Variants in SNAPC4 observed in about 807,000 individuals in gnomAD.
The protein encoded by SNAPC4 is snRNA-activating protein complex subunit 4.
Under a neutral mutation model 151.3 loss-of-function variants are expected in SNAPC4, and 127 were observed. The ratio of observed to expected loss-of-function variants is 0.84; its 90% confidence interval spans 0.73 to 0.97. The LOEUF (loss-of-function observed/expected upper bound fraction) is 0.97, where lower values mean the gene tolerates loss of function less well. Among genes scored for constraint, SNAPC4 ranks in the 50% least tolerant of loss-of-function variants. SNAPC4 has a pLI of 0.00. For missense variants in SNAPC4, 2,186 were observed against 1,935.0 expected, an observed-to-expected ratio of 1.13 and a Z score of -2.43; for synonymous variants, 1,002 against 824.4, an observed-to-expected ratio of 1.22 and a Z score of -3.69.
Position 136,382,514 on chromosome 9 carries a change from C to G in SNAPC4, c.1984-178G>C, listed in dbSNP as rs964673376. Among the ~76,000 whole-genome samples, 10 of 152,348 alleles carry G rather than the reference C, an allele frequency of 6.6e-5. No homozygotes were observed. The South Asian group carries it at 8.3e-4, about 13-fold the overall frequency. On this transcript the variant is annotated intron_variant, in intron 16 of 23. Coordinates refer to ENST00000684778, the MANE Select transcript of SNAPC4 (RefSeq NM_003086.4). The stretch of plus-strand genomic sequence containing the variant: ...GGAAGCGTGGGTTCCCCAGGCAGGG[C>G]CTCCCAGCTAGGCCTGGCTCCTGGG...
At chr9:136,398,680 T>A in intron 1 of SNAPC4, 1 of 423,904 alleles carries the variant, frequency 2.4e-6, no homozygotes, top group Non-Finnish European at 4.3e-6. Flanking sequence ...ATCTCCCGCC[T>A]GCTCTGAGGC....
intron 9 of SNAPC4, 66 bp downstream of exon 9, chr9:136,392,456 A>G (rs1185913678): frequency 3.3e-6 from 5 of 1,517,770 alleles, no homozygotes; most frequent in East Asian, 2.3e-5. Flanking sequence ...CCCAATTCCA[A>G]CTGCACCCGG....
At chr9:136,394,444 C>T (rs1407961630) in intron 6 of SNAPC4, 114 bp from the exon 7 acceptor site, 17 of 874,120 alleles carry the variant, frequency 1.9e-5, no homozygotes, top group Non-Finnish European at 2.9e-5. Flanking sequence ...AGCGAGTAAG[C>T]AGCACGCCAG....
rs771920415 is a variant in SNAPC4, at chr9:136,383,579, G to A, written c.1590C>T (p.Ser530=). 6.2e-7 allele frequency: 1 copy of A among 1,608,858 alleles called. No individual in the cohort carries two copies. Among genetic ancestry groups the A allele is most frequent in the Non-Finnish European group, 8.5e-7 (1 of 1,177,776 alleles). Reference sequence around the variant, plus strand: ...TGCTGCTGCTGCTGCTCCCTCCACTGCTGCCACTGCTGCTGCCGCTGCTGC... The same window carrying A: ...TGCTGCTGCTGCTGCTCCCTCCACTACTGCCACTGCTGCTGCCGCTGCTGC... The part of the protein sequence containing the change: ...STSSSGSSSG[S]SGGSSSSSSS... Residue 530 remains serine (S), a synonymous_variant, in exon 16 of 24, where the codon AGC becomes AGT. Transcript: ENST00000684778. This position sits in a 1 kb window ranked among gnomAD's most constrained non-coding sequence, Gnocchi z 4.2.
At chr9:136,387,935 G>C in intron 11 of SNAPC4, 87 bp from the exon 12 acceptor site, 1 of 800,750 alleles carries the variant, frequency 1.2e-6, no homozygotes, top group Non-Finnish European at 2.2e-6. Flanking sequence ...GGGTCCCGTG[G>C]GGCCGAGACA....
In SNAPC4 at chr9:136,378,289, C is replaced by A. The variant is rs751827865; in HGVS notation, c.3538G>T (p.Val1180Leu). ...CTGGGCTCAGGTATCTCCCTGGCCA[C>A]CTGGGCCTCTCCAGGGACAAAGGCC... ...SVAFVPGEAQ[V>L]AREIPEPRTS... The change falls in exon 22 of 24, where the codon GTG becomes TTG. Residue 1180 changes from valine (V) to leucine (L), a missense_variant. Coordinates refer to ENST00000684778, the MANE Select transcript of SNAPC4 (RefSeq NM_003086.4). 7.5e-6 allele frequency: 12 copies of A among 1,604,920 alleles called. No homozygotes were observed. Among genetic ancestry groups the A allele is most frequent in the African/African-American group, 1.3e-5 (1 of 74,870 alleles).
intron 3 of SNAPC4, among the ~76,000 whole-genome samples, 178 bp downstream of exon 3, chr9:136,396,799 G>A (rs889011000): frequency 6.6e-6 from 1 of 152,210 alleles, no homozygotes; most frequent in Non-Finnish European, 1.5e-5. Context: ...GTTAACAGTG[G>A]TTATTTCTGG....
chr9:136,381,443 A>AG (rs1833688737), intron 18 of SNAPC4, 51 bp from the exon 19 acceptor site: 1 of 1,496,284 alleles, frequency 6.7e-7, no homozygotes. Flanking sequence ...CCATGGGCAC[A>AG]GGGGGATGGG....
intron 20 of SNAPC4, 137 bp from the exon 21 acceptor site, chr9:136,380,001 C>G: frequency 7.1e-7 from 1 of 1,403,076 alleles, no homozygotes; most frequent in Non-Finnish European, 9.9e-7. Flanking sequence ...GCCTCCCACA[C>G]GCCTCTGTAG....
intron 17 of SNAPC4, 83 bp from the exon 18 acceptor site, chr9:136,382,156 C>T (rs1023039384): frequency 1.3e-6 from 2 of 1,575,008 alleles, no homozygotes; most frequent in African/African-American, 1.3e-5. Flanking sequence ...GTGCTGCCCT[C>T]CACCCCCATC....
rs755047012 is a variant in SNAPC4 at position 136,378,448 on chromosome 9, C to A, written c.3379G>T (p.Ala1127Ser). Residue 1127 changes from alanine (A) to serine (S), a missense_variant, in exon 22 of 24, where the codon GCC (alanine) becomes TCC (serine). Coordinates refer to ENST00000684778, the MANE Select transcript of SNAPC4 (RefSeq NM_003086.4). ...TETRAAQGPR[A>S]PALSSSWQPP... ...TGCCAAGAGCTGCTCAACGCTGGGG[C>A]CCTGGGGCCCTGGGCCGCCCGAGTC... 2 of 1,589,328 alleles carry A rather than the reference C, an allele frequency of 1.3e-6. No homozygotes were observed. Among genetic ancestry groups the A allele is most frequent in the Admixed American group, 1.7e-5 (1 of 58,788 alleles).
At chr9:136,390,553 T>TGA (rs1834033546) in intron 10 of SNAPC4, among the ~76,000 whole-genome samples, 1 of 24,840 alleles carries the variant, frequency 4.0e-5, no homozygotes, top group Admixed American at 5.8e-4. Flanking sequence ...AGACTCTGTT[T>TGA]GAAAAAAAAA....
rs556715640 is a variant in SNAPC4 at position 136,377,889 on chromosome 9, G to C, written c.3938C>G (p.Ala1313Gly). The change falls in exon 22 of 24, where the codon GCT (alanine) becomes GGT (glycine). Residue 1313 changes from alanine (A) to glycine (G), a missense_variant. Ala to Gly is a moderately conservative substitution (Grantham distance 60). Transcript: ENST00000684778. ...CTTGTGGAGTAGGAGACCGGACAGA[G>C]CTCGCAGGCTGCACAGGGCTGGGGG... ...YQPPALCSLR[A>G]LSGLLLHKKA... 78 of 1,611,412 alleles carry C rather than the reference G, an allele frequency of 4.8e-5. 1 individual carries two copies. The South Asian group carries it at 8.2e-4, about 17-fold the overall frequency.
At chr9:136,395,496 G>A (rs1834236134) in intron 4 of SNAPC4, 73 bp from the exon 5 acceptor site, 1 of 1,576,950 alleles carries the variant, frequency 6.3e-7, no homozygotes, top group Admixed American at 1.8e-5. Context: ...GAGACCCGGG[G>A]CAGAGGAGAG....
At position 136,392,705 on chromosome 9, in the gene SNAPC4, G is replaced by A. The variant is rs752513469; in HGVS notation, c.705C>T (p.Gly235=). The change falls in exon 8 of 24, where the codon GGC becomes GGT. Residue 235 remains glycine, a synonymous_variant. Transcript: ENST00000684778. ...ELERQALEKQ[G]REAEKEIQDI... is the part of the protein sequence containing the mutation. ...CCTGGATCTCCTTCTCGGCTTCCCT[G>A]CCCTGCTTCTCCAGGGCTTGCCTCT... 3.7e-6 allele frequency: 6 copies of A among 1,613,690 alleles called. No individual in the cohort carries two copies. Among genetic ancestry groups the A allele is most frequent in the Non-Finnish European group, 8.5e-7 (1 of 1,179,996 alleles).
chr9:136,398,189 T>C, intron 2 of SNAPC4, 110 bp downstream of exon 2: 1 of 1,219,882 alleles, frequency 8.2e-7, no homozygotes, highest in Non-Finnish European at 1.1e-6. Context: ...TTTACAGGCC[T>C]GAGAAACCAC....
intron 1 of SNAPC4, among the ~76,000 whole-genome samples, chr9:136,399,467 T>C (rs1834380889): frequency 6.6e-6 from 1 of 152,186 alleles, no homozygotes; most frequent in Non-Finnish European, 1.5e-5. Flanking sequence ...CGCTTTCCTC[T>C]GGAAGCCTCA....
At position 136,381,938 on chromosome 9, in the gene SNAPC4, G is replaced by C; in HGVS notation, c.2203C>G (p.Leu735Val). Residue 735 changes from leucine (L) to valine (V), a missense_variant, in exon 18 of 24, where the codon CTG becomes GTG. Transcript: ENST00000684778. ...CTGCGGTTCAGGAGCCTCCGGTGCAGAGCGTGTCTCCAGCGCCGCTGCCCA... is the reference window on the plus strand; with the variant it reads ...CTGCGGTTCAGGAGCCTCCGGTGCACAGCGTGTCTCCAGCGCCGCTGCCCA... ...QSGQRRWRHA[L>V]HRRLLNRRLL... 2 of 1,612,868 alleles carry C rather than the reference G, an allele frequency of 1.2e-6. No homozygotes were observed. The highest frequency in any genetic ancestry group is 1.7e-6 in the Non-Finnish European group (2 of 1,179,986).
At chr9:136,384,597 T>C (rs1833824333) in intron 14 of SNAPC4, 123 bp downstream of exon 14, 1 of 553,608 alleles carries the variant, frequency 1.8e-6, no homozygotes, top group African/African-American at 2.0e-5. Context: ...TGCAGTGGGC[T>C]ATGGTCGCAC....
Sources: allele counts gnomAD v4.1 joint callset (sites outside exome capture counted in the v4.1 genomes callset), GRCh38; gene constraint gnomAD v4.1.1; non-coding constraint Gnocchi (gnomAD v3.1); transcripts MANE v1.5; gene names NCBI Gene and HGNC (gene_info 2026-07-23, HGNC 2026-07-21).